Variants in CTNNA3 observed in about 807,000 individuals in gnomAD.
The protein encoded by CTNNA3 is catenin alpha 3.
In CTNNA3, 76 loss-of-function variants were observed where a neutral mutation model predicts 95.7. The observed-to-expected ratio is 0.79, with a 90% CI of 0.66 to 0.96. The LOEUF is 0.96. Ranked by LOEUF, CTNNA3 falls within the 40% of genes least tolerant of loss-of-function variation. The pLI, the probability that CTNNA3 is intolerant of heterozygous loss-of-function variation, is 0.00. For synonymous variants in CTNNA3, 431 were observed against 374.4 expected (o/e 1.15, Z -1.74); for missense variants, 1,191 against 1,089.8 (o/e 1.09, Z -1.31).
At chr10:65,995,817 T>G (rs1209087462) in intron 15 of CTNNA3, among the ~76,000 whole-genome samples, 2 of 152,196 alleles carry the variant, frequency 1.3e-5, no homozygotes, top group Non-Finnish European at 2.9e-5. Context: ...CCTGAAATAC[T>G]TGCACTGATA....
chr10:67,102,827 C>G (rs979350376), intron 7 of CTNNA3, among the ~76,000 whole-genome samples: 12 of 151,814 alleles, frequency 7.9e-5, no homozygotes, highest in African/African-American at 2.2e-4. Context: ...GCAAGACAGT[C>G]TTTTCCTCAG....
chr10:67,406,566 C>T (rs563878841), intron 5 of CTNNA3, among the ~76,000 whole-genome samples: 4 of 151,698 alleles, frequency 2.6e-5, no homozygotes, highest in African/African-American at 9.7e-5. Flanking sequence ...AATAAATAAC[C>T]AAAAGCAGAG....
At chr10:66,355,739 A>AT (rs71035125) in intron 12 of CTNNA3, among the ~76,000 whole-genome samples, 1 of 151,562 alleles carries the variant, frequency 6.6e-6, no homozygotes, top group African/African-American at 2.4e-5. Context: ...TCAAATTATA[A>AT]TTTTTTTATG....
In CTNNA3 at chr10:66,019,376, G is replaced by A. The variant is rs149761373; in HGVS notation, c.2160-30579C>T. Among the ~76,000 whole-genome samples, 165 of 152,190 alleles carry A rather than the reference G, an allele frequency of 1.1e-3. 2 individuals carry two copies. Among genetic ancestry groups the A allele is most frequent in the Non-Finnish European group, 1.8e-3 (124 of 67,976 alleles). On this transcript the variant is annotated intron_variant, in intron 15 of 17. Coordinates refer to ENST00000433211, the MANE Select transcript of CTNNA3 (RefSeq NM_013266.4). ...GTATACATAATTTTTAAATAGATCA[G>A]TGTTGTCAACCTATCTTTCGCTTGC...
chr10:66,336,611 T>C (rs2092399391), intron 12 of CTNNA3, among the ~76,000 whole-genome samples: 1 of 152,158 alleles, frequency 6.6e-6, no homozygotes. Flanking sequence ...TTTTGTAACA[T>C]TGTCTATTCT....
At chr10:65,981,628 T>C (rs1484609382) in intron 16 of CTNNA3, among the ~76,000 whole-genome samples, 1 of 151,932 alleles carries the variant, frequency 6.6e-6, no homozygotes, top group Non-Finnish European at 1.5e-5. Context: ...CAAAACAGCA[T>C]AGTACTGGTA....
intron 13 of CTNNA3, among the ~76,000 whole-genome samples, chr10:66,261,333 C>A (rs912841500): frequency 6.6e-6 from 1 of 152,042 alleles, no homozygotes; most frequent in South Asian, 2.1e-4. Context: ...ACTAATTTGA[C>A]CTTCCCTCCA....
At chr10:66,035,746 A>G (rs2079549615) in intron 15 of CTNNA3, among the ~76,000 whole-genome samples, 1 of 152,252 alleles carries the variant, frequency 6.6e-6, no homozygotes, top group South Asian at 2.1e-4. Flanking sequence ...TTATATTCCC[A>G]TAGCCTAGCA....
At chr10:67,316,979 T>C (rs1259316863) in intron 5 of CTNNA3, among the ~76,000 whole-genome samples, 1 of 152,188 alleles carries the variant, frequency 6.6e-6, no homozygotes, top group African/African-American at 2.4e-5. Context: ...TCACCCAAAT[T>C]GTACCTTTAG....
intron 15 of CTNNA3, among the ~76,000 whole-genome samples, chr10:66,059,220 CAAAT>C (rs377260484): frequency 1.3e-5 from 2 of 152,056 alleles, no homozygotes; most frequent in Non-Finnish European, 2.9e-5. Context: ...ATTTGGCTGA[CAAAT>C]AACCCGTTTT....
intron 1 of CTNNA3, among the ~76,000 whole-genome samples, chr10:67,671,511 C>A (rs868369397): frequency 2.1e-5 from 3 of 141,910 alleles, no homozygotes; most frequent in Middle Eastern, 3.2e-3. Flanking sequence ...CCTCCCCGCT[C>A]CCCCCACCCC....
At chr10:66,623,817 A>C (rs1040476009) in intron 9 of CTNNA3, among the ~76,000 whole-genome samples, 1 of 152,154 alleles carries the variant, frequency 6.6e-6, no homozygotes, top group Non-Finnish European at 1.5e-5. Flanking sequence ...AAGTGTTAGA[A>C]ATAAAATATC....
chr10:66,520,039 A>C (rs2132018753), intron 11 of CTNNA3, among the ~76,000 whole-genome samples: 1 of 152,190 alleles, frequency 6.6e-6, no homozygotes, highest in African/African-American at 2.4e-5. Flanking sequence ...ATTTTCTAAT[A>C]TGTTTTGGCC....
chr10:67,759,018 T>C (rs573614534), intron 1 of CTNNA3, among the ~76,000 whole-genome samples: 1 of 152,160 alleles, frequency 6.6e-6, no homozygotes, highest in South Asian at 2.1e-4. Flanking sequence ...GGTAGGAAAA[T>C]CCTGTAAGTA....
At chr10:66,440,287 T>C (rs1388909388) in intron 11 of CTNNA3, among the ~76,000 whole-genome samples, 1 of 152,194 alleles carries the variant, frequency 6.6e-6, no homozygotes, top group African/African-American at 2.4e-5. Context: ...TATGTTTATT[T>C]ATATAAATCA....
chr10:66,923,374 C>A (rs1846892187), intron 7 of CTNNA3, among the ~76,000 whole-genome samples: 1 of 152,152 alleles, frequency 6.6e-6, no homozygotes, highest in Non-Finnish European at 1.5e-5. Context: ...CCTCCAGCCT[C>A]CTGGAGTGGC....
In CTNNA3 at chr10:66,448,029, T is replaced by C. The variant is rs868175404; in HGVS notation, c.1532-68677A>G. Among the ~76,000 whole-genome samples, 594 of 152,216 alleles carry C rather than the reference T, an allele frequency of 3.9e-3. 3 individuals carry two copies. The highest frequency in any genetic ancestry group is 0.014 in the African/African-American group (573 of 41,532). The stretch of plus-strand genomic sequence containing the variant: ...AAAGTGGGCGAAGGATATGAGCAGA[T>C]ACTTCTCAAAAGAAGACATTTATGC... On this transcript the variant is annotated intron_variant, in intron 11 of 17. Coordinates refer to ENST00000433211, the MANE Select transcript of CTNNA3 (RefSeq NM_013266.4).
chr10:66,934,200 T>C (rs962319477), intron 7 of CTNNA3, among the ~76,000 whole-genome samples: 31 of 152,152 alleles, frequency 2.0e-4, no homozygotes, highest in African/African-American at 7.0e-4. Flanking sequence ...AAAAACAGCT[T>C]CTATCTTATC....
In CTNNA3 at chr10:67,647,750, A is replaced by C. The variant is rs73270161; in HGVS notation, c.-5-232T>G. On this transcript the variant is annotated intron_variant, in intron 1 of 17. Transcript: ENST00000433211. Reference sequence around the variant, plus strand: ...TAGGTCCTGTAACAAATTAATCTACACAAGTATGTTCATGATTAAATTAAC... The same window carrying C: ...TAGGTCCTGTAACAAATTAATCTACCCAAGTATGTTCATGATTAAATTAAC... Among the ~76,000 whole-genome samples, 4,408 of 152,282 alleles carry C rather than the reference A, an allele frequency of 0.029. 213 individuals carry two copies. Among genetic ancestry groups the C allele is most frequent in the African/African-American group, 0.1 (4,201 of 41,552 alleles).
Sources: allele counts gnomAD v4.1 joint callset (sites outside exome capture counted in the v4.1 genomes callset), GRCh38; gene constraint gnomAD v4.1.1; transcripts MANE v1.5; gene names NCBI Gene and HGNC (gene_info 2026-07-23, HGNC 2026-07-21).